Variants in ITGBL1 observed in about 807,000 individuals in gnomAD.
The protein encoded by ITGBL1 is integrin beta-like protein 1.
ITGBL1 carries 51 observed loss-of-function variants against 68.5 expected under a neutral mutation model. The ratio of observed to expected loss-of-function variants is 0.74; its 90% confidence interval spans 0.59 to 0.94. The LOEUF is 0.94. ITGBL1 is among the 40% of genes least tolerant of loss of function. The pLI, the probability that ITGBL1 is intolerant of heterozygous loss-of-function variation, is 0.00. For synonymous variants in ITGBL1, 209 were observed against 227.3 expected (o/e 0.92, Z 0.72); for missense variants, 649 against 647.4 (o/e 1.00, Z -0.03).
rs147367158 is a variant in ITGBL1, at chr13:101,649,836, C to G, written c.1016-42749C>G. ...TTTAGGACACGTCTAGATTCCTTTCCTCTACCATACCCTCTTAGTTTCACT... is the reference window on the plus strand; with the variant it reads ...TTTAGGACACGTCTAGATTCCTTTCGTCTACCATACCCTCTTAGTTTCACT... On this transcript the variant is annotated intron_variant, in intron 7 of 10. Transcript: ENST00000376180. Among the ~76,000 whole-genome samples the G allele has an allele frequency of 8.1e-4, 124 of 152,302 alleles. 3 individuals are homozygous for G. The East Asian group carries it at 0.021, about 26-fold the overall frequency.
At position 101,547,521 on chromosome 13, in the gene ITGBL1, A is replaced by G. The variant is rs75390309; in HGVS notation, c.317-20178A>G. On this transcript the variant is annotated intron_variant, in intron 2 of 10. Coordinates refer to ENST00000376180, the MANE Select transcript of ITGBL1 (RefSeq NM_004791.3). The stretch of plus-strand genomic sequence containing the variant: ...GAGTGTTGCAAATAAAAAAATCTTT[A>G]TGCATGTAAATATTAAAGCCTAGAT... 6.1e-3 allele frequency among the ~76,000 whole-genome samples: 926 copies of G among 151,964 alleles called. 11 individuals are homozygous for G. The highest frequency in any genetic ancestry group is 0.021 in the African/African-American group (866 of 41,540).
At chr13:101,489,238 A>G (rs920767964) in intron 2 of ITGBL1, among the ~76,000 whole-genome samples, 2 of 152,246 alleles carry the variant, frequency 1.3e-5, no homozygotes, top group African/African-American at 4.8e-5. Context: ...TTTACTTCAT[A>G]TAGCCCTGGC....
chr13:101,574,883 A>G (rs1402390813), intron 3 of ITGBL1, among the ~76,000 whole-genome samples: 1 of 152,164 alleles, frequency 6.6e-6, no homozygotes, highest in Non-Finnish European at 1.5e-5. Context: ...TTGTAAGGAC[A>G]TGTGTATCAG....
intron 7 of ITGBL1, among the ~76,000 whole-genome samples, chr13:101,625,849 C>T (rs1021819366): frequency 6.6e-6 from 1 of 152,136 alleles, no homozygotes; most frequent in Non-Finnish European, 1.5e-5. Flanking sequence ...CCACCGCACC[C>T]GGCCAGTAAT....
chr13:101,533,316 C>G (rs1308681147), intron 2 of ITGBL1, among the ~76,000 whole-genome samples: 4 of 152,160 alleles, frequency 2.6e-5, no homozygotes, highest in African/African-American at 7.2e-5. Context: ...ACAACATTAT[C>G]AAGCTTTTCT....
At chr13:101,564,440 G>T (rs1195415396) in intron 2 of ITGBL1, among the ~76,000 whole-genome samples, 1 of 151,590 alleles carries the variant, frequency 6.6e-6, no homozygotes, top group Non-Finnish European at 1.5e-5. Context: ...AATTGGGAGA[G>T]AATATTTGCA....
chr13:101,545,593 T>TA (rs1420861777), intron 2 of ITGBL1, among the ~76,000 whole-genome samples: 3 of 152,228 alleles, frequency 2.0e-5, no homozygotes, highest in Admixed American at 2.0e-4. Flanking sequence ...ACAAATATTT[T>TA]AAAAAAACGA....
At chr13:101,718,731 A>G (rs2034814271), downstream of ITGBL1, 1 of 152,014 alleles carries the variant, frequency 6.6e-6, no homozygotes, top group South Asian at 2.1e-4. Context: ...CCTCAAATGC[A>G]AACACAATCT....
chr13:101,644,531 C>A (rs1367558762), intron 7 of ITGBL1, among the ~76,000 whole-genome samples: 1 of 152,080 alleles, frequency 6.6e-6, no homozygotes, highest in Non-Finnish European at 1.5e-5. Flanking sequence ...GAGATTACAG[C>A]AGGAAAATGA....
chr13:101,570,332 A>G (rs2050252357), intron 3 of ITGBL1, among the ~76,000 whole-genome samples: 2 of 151,880 alleles, frequency 1.3e-5, no homozygotes, highest in African/African-American at 4.8e-5. Flanking sequence ...TGTTTTTGCA[A>G]TTCTTTACTT....
At chr13:101,662,256 G>A (rs959589230) in intron 7 of ITGBL1, among the ~76,000 whole-genome samples, 2 of 152,084 alleles carry the variant, frequency 1.3e-5, no homozygotes, top group African/African-American at 4.8e-5. Context: ...AAAATGGCAA[G>A]AATGTTCTTG....
intron 7 of ITGBL1, among the ~76,000 whole-genome samples, chr13:101,660,013 C>T (rs2033040714): frequency 6.6e-6 from 1 of 152,126 alleles, no homozygotes; most frequent in Non-Finnish European, 1.5e-5. Flanking sequence ...GGAGACTGTT[C>T]TTCTGTGCAT....
At chr13:101,618,575 G>C (rs1039815601) in intron 7 of ITGBL1, among the ~76,000 whole-genome samples, 10 of 152,108 alleles carry the variant, frequency 6.6e-5, no homozygotes, top group African/African-American at 2.4e-4. Context: ...CCTTTGGGAA[G>C]AATGGTAAAG....
chr13:101,493,332 CAAT>C (rs1170459480), intron 2 of ITGBL1, among the ~76,000 whole-genome samples: 1 of 150,508 alleles, frequency 6.6e-6, no homozygotes, highest in African/African-American at 2.4e-5. Flanking sequence ...AAGATACCAA[CAAT>C]GTCACTTATT....
chr13:101,660,561 T>G (rs1008980560), intron 7 of ITGBL1, among the ~76,000 whole-genome samples: 1 of 152,236 alleles, frequency 6.6e-6, no homozygotes, highest in Non-Finnish European at 1.5e-5. Context: ...GTTTGCATCT[T>G]AGCAGAATTC....
At chr13:101,625,616 G>C (rs750144297) in intron 7 of ITGBL1, among the ~76,000 whole-genome samples, 1 of 151,606 alleles carries the variant, frequency 6.6e-6, no homozygotes, top group Non-Finnish European at 1.5e-5. Flanking sequence ...ACAATTGCAC[G>C]ATCTAGGCTC....
intron 5 of ITGBL1, among the ~76,000 whole-genome samples, chr13:101,579,655 A>G (rs1470690293): frequency 6.6e-6 from 1 of 152,214 alleles, no homozygotes; most frequent in Admixed American, 6.5e-5. Context: ...GCTTCACTGA[A>G]TAAACAGTTA....
chr13:101,561,133 G>C (rs920912472), intron 2 of ITGBL1, among the ~76,000 whole-genome samples: 1 of 152,146 alleles, frequency 6.6e-6, no homozygotes, highest in Non-Finnish European at 1.5e-5. Context: ...AAGGGTGGTG[G>C]GAAAGTTGGT....
At chr13:101,496,231 C>T (rs919365830) in intron 2 of ITGBL1, among the ~76,000 whole-genome samples, 4 of 152,200 alleles carry the variant, frequency 2.6e-5, no homozygotes, top group Non-Finnish European at 4.4e-5. Flanking sequence ...GAGGTAGACG[C>T]TCCCGGGCAG....
Sources: gnomAD v4.1 joint callset for allele counts (sites outside exome capture counted in the v4.1 genomes callset) on GRCh38, gnomAD v4.1.1 for gene constraint, MANE v1.5 for transcripts, NCBI Gene and HGNC (gene_info 2026-07-23, HGNC 2026-07-21) for gene names.